The following CIP2A variants were observed in gnomAD, a reference collection of about 807,000 sequenced individuals.
CIP2A encodes protein CIP2A.
A neutral mutation model predicts 110.9 loss-of-function variants in CIP2A; 103 were observed. The ratio of observed to expected loss-of-function variants is 0.93; its 90% CI spans 0.79 to 1.09. The LOEUF is 1.09. Ranked by LOEUF, CIP2A falls within the 50% of genes least tolerant of loss-of-function variation. The pLI is 0.00. For missense variants in CIP2A, 1,088 were observed against 1,038.4 expected (o/e 1.05, Z -0.66); for synonymous variants, 381 against 361.6 (o/e 1.05, Z -0.61).
rs1048831722 is a variant in CIP2A at position 108,566,605 on chromosome 3, A to G, written c.1307T>C (p.Ile436Thr). The change falls in exon 11 of 21, where the codon ATT (isoleucine) becomes ACT (threonine). Residue 436 changes from isoleucine (I) to threonine (T), a missense_variant. Coordinates refer to ENST00000295746, the MANE Select transcript of CIP2A (RefSeq NM_020890.3). Reference sequence around the variant, plus strand: ...CTTGACAGTTGTCAAGATTTTTGCAATATGCATTTTTAGTGTATCATCTCC... The same window carrying G: ...CTTGACAGTTGTCAAGATTTTTGCAGTATGCATTTTTAGTGTATCATCTCC... Reference protein sequence around the residue: ...LCGDDTLKMHIAKILTTVKCT... With the variant: ...LCGDDTLKMHTAKILTTVKCT... 1.4e-5 allele frequency: 22 copies of G among 1,605,954 alleles called. No individual in the cohort carries two copies. Among genetic ancestry groups the G allele is most frequent in the Middle Eastern group, 1.7e-4 (1 of 6,024 alleles).
intron 1 of CIP2A, among the ~76,000 whole-genome samples, chr3:108,589,030 A>C (rs1939207350): frequency 1.3e-5 from 2 of 152,194 alleles, no homozygotes; most frequent in Admixed American, 6.5e-5. Flanking sequence ...ACTCGAAACA[A>C]CCTGAACTTC....
At position 108,551,413 on chromosome 3, in the gene CIP2A, T is replaced by G. The variant is rs151235929; in HGVS notation, c.2548-94A>C. On this transcript the variant is annotated intron_variant, in intron 20 of 20. Coordinates refer to ENST00000295746, the MANE Select transcript of CIP2A (RefSeq NM_020890.3). ...ATATATTTTAAGATGCTTTTATTTTTTATTGTACAACAACCATTTCAAGAC... is the reference window on the plus strand; with the variant it reads ...ATATATTTTAAGATGCTTTTATTTTGTATTGTACAACAACCATTTCAAGAC... The G allele has an allele frequency of 6.0e-4, 515 of 864,686 alleles. 1 individual carries two copies. Among genetic ancestry groups the G allele is most frequent in the African/African-American group, 5.7e-3 (333 of 58,512 alleles). The allele number at this position is 864,686 out of a possible 1,614,324, so 53.6% of individuals were successfully genotyped here.
At chr3:108,581,351 A>C in intron 5 of CIP2A, 64 bp downstream of exon 5, 1 of 1,131,450 alleles carries the variant, frequency 8.8e-7, no homozygotes, top group Non-Finnish European at 1.3e-6. Context: ...AGATAAATAC[A>C]ATTTTCTTTA....
chr3:108,575,060 G>A (rs78874930), intron 8 of CIP2A: 3 of 152,094 alleles, frequency 2.0e-5, no homozygotes, highest in South Asian at 2.1e-4. Flanking sequence ...CACTACATTC[G>A]TGAGGGTGTT....
At chr3:108,588,032 C>T (rs1463551463) in intron 1 of CIP2A, among the ~76,000 whole-genome samples, 1 of 152,210 alleles carries the variant, frequency 6.6e-6, no homozygotes, top group Admixed American at 6.5e-5. Context: ...CTCGCCTCGG[C>T]CTCCCAAAGT....
intron 8 of CIP2A, among the ~76,000 whole-genome samples, chr3:108,571,692 T>C (rs970671506): frequency 6.6e-6 from 1 of 152,176 alleles, no homozygotes; most frequent in African/African-American, 2.4e-5. Flanking sequence ...CCACTGTTAA[T>C]GGCATTTGGG....
chr3:108,565,273 GATTAAGAAT>G, intron 12 of CIP2A, 73 bp downstream of exon 12: 1 of 702,192 alleles, frequency 1.4e-6, no homozygotes, highest in Non-Finnish European at 2.4e-6. Context: ...ATCTTCTAAA[GATTAAGAAT>G]ATTAAAACAG....
chr3:108,554,419 T>C lies in CIP2A; in HGVS notation c.2281A>G (p.Thr761Ala). 6.4e-7 allele frequency: 1 copy of C among 1,562,892 alleles called. No individual in the cohort carries two copies. Residue 761 changes from threonine to alanine, a missense_variant, in exon 18 of 21, where the codon ACA (threonine) becomes GCA (alanine). By Grantham distance (58) the Thr-to-Ala change is moderately conservative. Coordinates refer to ENST00000295746, the MANE Select transcript of CIP2A (RefSeq NM_020890.3). ...TCDSLNKQIE[T>A]VKKLNESLKE... ...AGTGACTCATTCAACTTTTTCACTG[T>C]CTCAATTTGTTTATTCAGAGAATCA...
chr3:108,573,496 C>CCCAT (rs1409919368), intron 8 of CIP2A, among the ~76,000 whole-genome samples: 1 of 151,404 alleles, frequency 6.6e-6, no homozygotes, highest in East Asian at 1.9e-4. Flanking sequence ...GGTTTTGATA[C>CCCAT]CCATAGAATG....
intron 19 of CIP2A, 76 bp downstream of exon 19, chr3:108,553,572 A>AC: frequency 7.8e-7 from 1 of 1,282,834 alleles, no homozygotes; most frequent in Non-Finnish European, 1.1e-6. Flanking sequence ...GAAAATAAAA[A>AC]AGCAAACAAA....
intron 3 of CIP2A, among the ~76,000 whole-genome samples, chr3:108,582,580 T>G (rs1938917784): frequency 6.6e-6 from 1 of 152,240 alleles, no homozygotes; most frequent in Non-Finnish European, 1.5e-5. Flanking sequence ...CAATGAAATA[T>G]GAAGAGCTTT....
In CIP2A at chr3:108,566,612, T is replaced by G. The variant is rs1191047722; in HGVS notation, c.1300A>C (p.Met434Leu). The change falls in exon 11 of 21, where the codon ATG becomes CTG. Residue 434 changes from methionine to leucine, a missense_variant. Physicochemically the swap from Met to Leu is conservative, Grantham distance 15 (BLOSUM62 2). Transcript: ENST00000295746. ...GTTGTCAAGATTTTTGCAATATGCATTTTTAGTGTATCATCTCCACAGAGA... is the reference window on the plus strand; with the variant it reads ...GTTGTCAAGATTTTTGCAATATGCAGTTTTAGTGTATCATCTCCACAGAGA... ...LTLCGDDTLK[M>L]HIAKILTTVK... The G allele has an allele frequency of 6.2e-7, 1 of 1,604,968 alleles. No homozygotes were observed. The highest frequency in any genetic ancestry group is 2.2e-5 in the East Asian group (1 of 44,564).
intron 10 of CIP2A, among the ~76,000 whole-genome samples, chr3:108,567,677 T>C (rs1287850621): frequency 6.6e-6 from 1 of 151,916 alleles, no homozygotes; most frequent in Non-Finnish European, 1.5e-5. Flanking sequence ...AAAGCAATTA[T>C]GAAGGCTTTA....
chr3:108,575,945 T>TAC (rs886896239), intron 8 of CIP2A, among the ~76,000 whole-genome samples: 1 of 150,606 alleles, frequency 6.6e-6, no homozygotes, highest in African/African-American at 2.4e-5. Context: ...TACGTATATA[T>TAC]ACATATATGT....
At chr3:108,558,325 C>A (rs953202114) in intron 16 of CIP2A, among the ~76,000 whole-genome samples, 2 of 152,060 alleles carry the variant, frequency 1.3e-5, no homozygotes, top group African/African-American at 4.8e-5. Flanking sequence ...TTACTAGTCA[C>A]TTATTTTGAT....
intron 9 of CIP2A, among the ~76,000 whole-genome samples, 188 bp downstream of exon 9, chr3:108,569,200 GA>G (rs796470518): frequency 7.5e-3 from 55 of 7,334 alleles, no homozygotes; most frequent in African/African-American, 0.017. Context: ...ACTACTCAGT[GA>G]AAAAAAAGGA....
intron 9 of CIP2A, 122 bp downstream of exon 9, chr3:108,569,267 T>C (rs1343610656): frequency 2.1e-5 from 15 of 717,610 alleles, no homozygotes; most frequent in Non-Finnish European, 3.6e-5. Flanking sequence ...GTATGACTGT[T>C]AGTAATTGAG....
chr3:108,565,783 C>T (rs913969213), intron 11 of CIP2A, among the ~76,000 whole-genome samples: 12 of 151,734 alleles, frequency 7.9e-5, no homozygotes, highest in African/African-American at 2.4e-4. Flanking sequence ...CAACAACAGA[C>T]GGTAACCTTA....
intron 19 of CIP2A, 57 bp downstream of exon 19, chr3:108,553,591 T>C (rs1175202175): frequency 2.1e-6 from 3 of 1,449,552 alleles, no homozygotes; most frequent in Non-Finnish European, 2.8e-6. Context: ...AAACCACTCA[T>C]GCTTCCAAAA....
Sources: gnomAD v4.1 joint callset for allele counts (sites outside exome capture counted in the v4.1 genomes callset) on GRCh38, gnomAD v4.1.1 for gene constraint, MANE v1.5 for transcripts, NCBI Gene and HGNC (gene_info 2026-07-23, HGNC 2026-07-21) for gene names.